The following DAPK2 variants were observed in gnomAD, a reference collection of about 807,000 sequenced individuals.
DAPK2 encodes the protein death associated protein kinase 2.
DAPK2 carries 35 observed loss-of-function variants against 44.1 expected under a neutral mutation model. The observed-to-expected ratio is 0.79, with a 90% CI of 0.61 to 1.05. The LOEUF (loss-of-function observed/expected upper bound fraction) is 1.05. DAPK2 is among the 50% of genes least tolerant of loss of function. The pLI is 0.00. For missense variants in DAPK2, 453 were observed against 483.2 expected, an observed-to-expected ratio of 0.94 and a Z score of 0.59; for synonymous variants, 174 against 182.6, an observed-to-expected ratio of 0.95 and a Z score of 0.38.
At chr15:63,969,423 C>G (rs186466543) in intron 3 of DAPK2, among the ~76,000 whole-genome samples, 1 of 149,620 alleles carries the variant, frequency 6.7e-6, no homozygotes, top group Non-Finnish European at 1.5e-5. Flanking sequence ...CTGTCCCCCC[C>G]AAAAAGAAAC....
At chr15:63,994,586 CTTTTT>C (rs11346004) in intron 1 of DAPK2, among the ~76,000 whole-genome samples, 9 of 93,268 alleles carry the variant, frequency 9.6e-5, no homozygotes, top group African/African-American at 2.3e-4. Context: ...ATCTTTTTTA[CTTTTT>C]TTTTTTTTTT....
At chr15:63,920,669 C>T (rs1217631595) in intron 8 of DAPK2, 1 of 152,224 alleles carries the variant, frequency 6.6e-6, no homozygotes, top group East Asian at 1.9e-4. Context: ...TCCTAAACCA[C>T]TTCCTGTCTG....
At chr15:63,947,717 A>T (rs2077485372) in intron 3 of DAPK2, among the ~76,000 whole-genome samples, 2 of 152,156 alleles carry the variant, frequency 1.3e-5, no homozygotes, top group South Asian at 4.1e-4. Flanking sequence ...AGTCTCTGTG[A>T]CTATTTCCTT....
chr15:63,954,356 C>G (rs1179780068), intron 3 of DAPK2, among the ~76,000 whole-genome samples: 1 of 152,062 alleles, frequency 6.6e-6, no homozygotes, highest in Non-Finnish European at 1.5e-5. Context: ...TAGTTTTATT[C>G]TTCTGTATGT....
chr15:64,037,900 C>T (rs2080252081), intron 1 of DAPK2, among the ~76,000 whole-genome samples: 4 of 152,162 alleles, frequency 2.6e-5, no homozygotes, highest in Admixed American at 2.6e-4. Flanking sequence ...TGCTTACTCA[C>T]CTTTTGCCCC....
In DAPK2 at chr15:63,917,530, G is replaced by A. The variant is rs1321310957; in HGVS notation, c.859-5333C>T. ...CATGACTTGATTCCTGCTGGAGCGG[G>A]GTCATAGGTCCTGGAATCCACTATC... On this transcript the variant is annotated intron_variant, in intron 8 of 10. Transcript: ENST00000261891. This position sits in a 1 kb window ranked among gnomAD's most constrained non-coding sequence, Gnocchi z 4.4. 6.6e-6 allele frequency: 1 copy of A among 152,096 alleles called. No individual in the cohort carries two copies. Among genetic ancestry groups the A allele is most frequent in the Admixed American group, 6.5e-5 (1 of 15,272 alleles). The allele number at this position is 152,096 out of a possible 1,614,324, so 9.4% of individuals were successfully genotyped here. A position where few individuals can be genotyped will look rare whatever the true frequency, so the allele number is the denominator to read the frequency against.
At chr15:64,031,204 T>G (rs866316076) in intron 1 of DAPK2, among the ~76,000 whole-genome samples, 2 of 152,084 alleles carry the variant, frequency 1.3e-5, no homozygotes, top group Middle Eastern at 6.9e-3. Flanking sequence ...CAGGAAGTAC[T>G]CAGCACAGAT....
At chr15:63,962,323 G>A (rs1478898157) in intron 3 of DAPK2, among the ~76,000 whole-genome samples, 10 of 152,156 alleles carry the variant, frequency 6.6e-5, no homozygotes, top group Non-Finnish European at 1.3e-4. Flanking sequence ...TGTTATTACC[G>A]ATCGTCTGAA....
chr15:63,976,405 G>A (rs145222469), intron 2 of DAPK2, among the ~76,000 whole-genome samples: 178 of 152,118 alleles, frequency 1.2e-3, no homozygotes, highest in African/African-American at 4.1e-3. Flanking sequence ...CACTTTAACC[G>A]TTGCATTGCT....
intron 1 of DAPK2, chr15:64,030,088 G>C (rs1953229171): frequency 6.6e-6 from 1 of 152,256 alleles, no homozygotes; most frequent in Non-Finnish European, 1.5e-5. Context: ...TCAGGAGTTG[G>C]AAACCAGCCT....
chr15:64,031,597 G>T (rs1268106069), intron 1 of DAPK2, among the ~76,000 whole-genome samples: 1 of 152,220 alleles, frequency 6.6e-6, no homozygotes, highest in Non-Finnish European at 1.5e-5. Flanking sequence ...ATACAAGCAA[G>T]CATGTGTATG....
At chr15:63,962,606 T>C (rs1034767248) in intron 3 of DAPK2, among the ~76,000 whole-genome samples, 2 of 152,226 alleles carry the variant, frequency 1.3e-5, no homozygotes, top group East Asian at 3.8e-4. Context: ...TGGAGTTTGC[T>C]GGAGGTCCAC....
intron 1 of DAPK2, among the ~76,000 whole-genome samples, chr15:64,007,326 C>T (rs1275264010): frequency 6.6e-6 from 1 of 152,108 alleles, no homozygotes; most frequent in Non-Finnish European, 1.5e-5. Context: ...CCTGAAGGTA[C>T]AGGGTCCCCT....
intron 1 of DAPK2, among the ~76,000 whole-genome samples, chr15:63,989,230 C>A (rs1234446332): frequency 6.8e-6 from 1 of 147,508 alleles, no homozygotes; most frequent in East Asian, 2.0e-4. Flanking sequence ...GGTGGCACAA[C>A]CTGCAGTCCC....
upstream of DAPK2, among the ~76,000 whole-genome samples, chr15:64,041,040 A>G (rs1320311245): frequency 6.6e-6 from 1 of 152,160 alleles, no homozygotes. Flanking sequence ...TGTAAAATCA[A>G]CTTCAAGTCA....
rs2078780848 is a variant in DAPK2 at position 63,990,238 on chromosome 15, G to A, written c.93-6484C>T. Among the ~76,000 whole-genome samples the A allele has an allele frequency of 9.5e-6, 1 of 105,410 alleles. No homozygotes were observed. The highest frequency in any genetic ancestry group is 1.1e-4 in the Admixed American group (1 of 9,430). 69.2% of individuals were successfully genotyped at this position (105,410 alleles called of 152,430 possible). On this transcript the variant is annotated intron_variant, in intron 1 of 10. Transcript: ENST00000261891. The surrounding 1 kb of genome is among the most constrained non-coding windows in gnomAD (Gnocchi z 4.3). ...AGGTCAAGAGTTTGAGACCAGCCTG[G>A]GCCAACAGGACAAAACCCCATCTCT...
At chr15:63,943,088 A>AT (rs2077356061) in intron 3 of DAPK2, among the ~76,000 whole-genome samples, 2 of 145,148 alleles carry the variant, frequency 1.4e-5, no homozygotes, top group African/African-American at 2.6e-5. Flanking sequence ...ACTACCTCAC[A>AT]TGGTGGGTGT....
chr15:63,995,720 G>A lies in DAPK2; in HGVS notation c.93-11966C>T, dbSNP rs534110742. ...CTCAAAGTCACTGCACTCTTGCTCCGGGCAATGTCCCTCCTGTTAGCTGAC... is the reference window on the plus strand; with the variant it reads ...CTCAAAGTCACTGCACTCTTGCTCCAGGCAATGTCCCTCCTGTTAGCTGAC... On this transcript the variant is annotated intron_variant, in intron 1 of 10. Coordinates refer to ENST00000261891, the Ensembl canonical transcript of DAPK2. Among the ~76,000 whole-genome samples, 9 of 152,310 alleles carry A rather than the reference G, an allele frequency of 5.9e-5. 1 individual carries two copies. In the South Asian group the frequency reaches 1.2e-3, roughly 21 times the overall value.
chr15:64,011,177 G>A (rs1466759047), intron 1 of DAPK2, among the ~76,000 whole-genome samples: 1 of 152,202 alleles, frequency 6.6e-6, no homozygotes, highest in African/African-American at 2.4e-5. Flanking sequence ...GATTGGCTGT[G>A]CTTGTGGCTT....
Sources: gnomAD v4.1 joint callset for allele counts (sites outside exome capture counted in the v4.1 genomes callset) on GRCh38, gnomAD v4.1.1 for gene constraint, Gnocchi (gnomAD v3.1) non-coding constraint, MANE v1.5 for transcripts, NCBI Gene and HGNC (gene_info 2026-07-23, HGNC 2026-07-21) for gene names.